Variants in SMIM14 observed in about 807,000 individuals in gnomAD.
SMIM14 encodes the protein small integral membrane protein 14, also known as chromosome 4 open reading frame 34.
A neutral mutation model predicts 12.6 loss-of-function variants in SMIM14; 5 were observed. The observed-to-expected ratio is 0.40, with a 90% CI of 0.21 to 0.83. The LOEUF (loss-of-function observed/expected upper bound fraction) is 0.83, where lower values mean the gene tolerates loss of function less well. Among genes scored for constraint, SMIM14 ranks in the 40% least tolerant of loss-of-function variants. The pLI, the probability that SMIM14 is intolerant of heterozygous loss-of-function variation, is 0.37. For missense variants in SMIM14, 86 were observed against 119.1 expected (o/e 0.72, Z 1.29); for synonymous variants, 30 against 40.1 (o/e 0.75, Z 0.95).
chr4:39,549,290 G>T lies in SMIM14; in HGVS notation c.*2836C>A. ...ATTTCATCCAATAAAGCCTTCTAAA[G>T]CCTTTTTTTTTTGAGACAGGGTCTC... On this transcript the variant is annotated 3_prime_UTR_variant, in exon 5 of 5. Coordinates refer to ENST00000295958, the MANE Select transcript of SMIM14 (RefSeq NM_174921.3). The T allele has an allele frequency of 6.6e-6, 1 of 152,148 alleles. No individual in the cohort carries two copies. The highest frequency in any genetic ancestry group is 2.4e-5 in the African/African-American group (1 of 41,470). The allele number at this position is 152,148 out of a possible 1,614,324, so 9.4% of individuals were successfully genotyped here.
At chr4:39,583,708 C>T (rs753410985) in intron 2 of SMIM14, among the ~76,000 whole-genome samples, 18 of 152,058 alleles carry the variant, frequency 1.2e-4, no homozygotes, top group South Asian at 2.1e-4. Flanking sequence ...TACGTGTACA[C>T]ATTTTTCTAA....
intron 4 of SMIM14, among the ~76,000 whole-genome samples, chr4:39,554,899 G>C (rs1180018707): frequency 7.1e-6 from 1 of 141,842 alleles, no homozygotes; most frequent in African/African-American, 2.6e-5. Flanking sequence ...GCAATGGCAC[G>C]ATCTTGGCTC....
chr4:39,599,933 C>CAAAAAAA (rs56285045), intron 2 of SMIM14, among the ~76,000 whole-genome samples: 25 of 115,030 alleles, frequency 2.2e-4, no homozygotes, highest in Non-Finnish European at 2.8e-4. Flanking sequence ...AAAACAACAA[C>CAAAAAAA]AAAAAAAAAA....
intron 3 of SMIM14, among the ~76,000 whole-genome samples, chr4:39,571,893 C>T (rs1010288146): frequency 1.3e-5 from 2 of 151,540 alleles, no homozygotes; most frequent in African/African-American, 4.9e-5. Flanking sequence ...GCCTCAACCT[C>T]CCCAGGCTCA....
intron 2 of SMIM14, among the ~76,000 whole-genome samples, chr4:39,579,770 G>A (rs745341228): frequency 4.0e-5 from 6 of 150,330 alleles, no homozygotes; most frequent in African/African-American, 7.3e-5. Flanking sequence ...CTTGAACCCC[G>A]GAGGCAGAGG....
intron 2 of SMIM14, among the ~76,000 whole-genome samples, chr4:39,591,543 A>G (rs1398456717): frequency 6.6e-6 from 1 of 152,042 alleles, no homozygotes; most frequent in African/African-American, 2.4e-5. Context: ...TTGAACTTGA[A>G]CACTGTTAGT....
At chr4:39,561,506 T>C (rs186926954) in intron 3 of SMIM14, among the ~76,000 whole-genome samples, 21 of 152,324 alleles carry the variant, frequency 1.4e-4, no homozygotes, top group African/African-American at 5.1e-4. Context: ...TCAGTAGTCA[T>C]GCCCAGCCAT....
intron 3 of SMIM14, among the ~76,000 whole-genome samples, chr4:39,559,156 G>A (rs984550141): frequency 2.0e-5 from 3 of 152,134 alleles, no homozygotes; most frequent in Non-Finnish European, 4.4e-5. Context: ...TTTTAGAGGC[G>A]AGACAAAGAA....
At chr4:39,589,036 AC>A (rs1241036177) in intron 2 of SMIM14, among the ~76,000 whole-genome samples, 1 of 152,174 alleles carries the variant, frequency 6.6e-6, no homozygotes, top group East Asian at 1.9e-4. Flanking sequence ...AAGGAATCTG[AC>A]CAAGGGTCTC....
chr4:39,571,481 G>T (rs1712883438), intron 3 of SMIM14, among the ~76,000 whole-genome samples: 1 of 152,038 alleles, frequency 6.6e-6, no homozygotes. Context: ...TAGGGAGGCT[G>T]AGGTGGGAGG....
chr4:39,586,593 C>A (rs1713794751), intron 2 of SMIM14, among the ~76,000 whole-genome samples: 1 of 152,024 alleles, frequency 6.6e-6, no homozygotes, highest in African/African-American at 2.4e-5. Flanking sequence ...TGAGCTCTCT[C>A]CAAAATCACC....
intron 1 of SMIM14, among the ~76,000 whole-genome samples, chr4:39,608,466 T>C (rs533724624): frequency 6.6e-6 from 1 of 152,306 alleles, no homozygotes; most frequent in East Asian, 1.9e-4. Flanking sequence ...TATTCAGCTG[T>C]AAAAAGGAAT....
At chr4:39,601,953 A>C (rs1238442988) in intron 2 of SMIM14, among the ~76,000 whole-genome samples, 1 of 149,138 alleles carries the variant, frequency 6.7e-6, no homozygotes, top group African/African-American at 2.5e-5. Flanking sequence ...ATCTTAAAAA[A>C]AAAAAACAAA....
chr4:39,626,246 C>T (rs1231692435), intron 1 of SMIM14, among the ~76,000 whole-genome samples: 1 of 152,096 alleles, frequency 6.6e-6, no homozygotes, highest in African/African-American at 2.4e-5. Context: ...AAACTGTCTT[C>T]TATGAAAATG....
At chr4:39,579,944 C>T (rs1383983025) in intron 2 of SMIM14, among the ~76,000 whole-genome samples, 2 of 151,826 alleles carry the variant, frequency 1.3e-5, no homozygotes, top group Non-Finnish European at 2.9e-5. Flanking sequence ...AATGTAGCTT[C>T]CATGAGGAAA....
At chr4:39,583,043 C>T (rs1250394341) in intron 2 of SMIM14, among the ~76,000 whole-genome samples, 1 of 152,064 alleles carries the variant, frequency 6.6e-6, no homozygotes, top group Non-Finnish European at 1.5e-5. Context: ...CCACCCGCCT[C>T]AGCCTCCCAA....
At chr4:39,629,711 C>T (rs1224984930) in intron 1 of SMIM14, among the ~76,000 whole-genome samples, 2 of 152,106 alleles carry the variant, frequency 1.3e-5, no homozygotes, top group Non-Finnish European at 2.9e-5. Context: ...GCAGCCTCAG[C>T]CTCCCCAGCT....
intron 2 of SMIM14, among the ~76,000 whole-genome samples, chr4:39,587,072 A>G (rs2381393): frequency 0.58 from 88,737 of 151,816 alleles, 29,774 homozygotes; most frequent in Middle Eastern, 0.81. Context: ...CACATTGGGG[A>G]TTAGGGAATT....
At chr4:39,585,864 T>C (rs1278092645) in intron 2 of SMIM14, among the ~76,000 whole-genome samples, 1 of 152,028 alleles carries the variant, frequency 6.6e-6, no homozygotes, top group African/African-American at 2.4e-5. Context: ...GAGGCAGCCC[T>C]GATCATCTCT....
Sources: gnomAD v4.1 joint callset for allele counts (sites outside exome capture counted in the v4.1 genomes callset) on GRCh38, gnomAD v4.1.1 for gene constraint, MANE v1.5 for transcripts, NCBI Gene and HGNC (gene_info 2026-07-23, HGNC 2026-07-21) for gene names.